The following FAM53C variants were observed in gnomAD, a reference collection of about 807,000 sequenced individuals.
The protein encoded by FAM53C is family with sequence similarity 53 member C.
In FAM53C, 10 loss-of-function variants were observed where a neutral mutation model predicts 34.7. The observed-to-expected ratio is 0.29, with a 90% CI of 0.18 to 0.49. FAM53C has a LOEUF of 0.49. FAM53C is among the 20% of genes least tolerant of loss of function. The pLI, the probability that FAM53C is intolerant of heterozygous loss-of-function variation, is 0.99. For synonymous variants in FAM53C, 203 were observed against 203.6 expected (o/e 1.00, Z 0.03); for missense variants, 442 against 515.3 (o/e 0.86, Z 1.38).
At chr5:138,342,033 TATCTG>T in intron 3 of FAM53C, 167 bp downstream of exon 3, 1 of 626,116 alleles carries the variant, frequency 1.6e-6, no homozygotes, top group Non-Finnish European at 2.9e-6. Context: ...GCATGAAAGT[TATCTG>T]GTTGGTTTGC....
At position 138,341,877 on chromosome 5, in the gene FAM53C, G is replaced by A. The variant is rs77021674; in HGVS notation, c.136+11G>A. On this transcript the variant is annotated intron_variant, in intron 3 of 4. Coordinates refer to ENST00000239906, the MANE Select transcript of FAM53C (RefSeq NM_016605.3). ...TCCAGCTTGTGTCTGGTAAGGCATC[G>A]TGTGTGTTTGTGTACGTGTGTGTAC... 2,406 of 1,613,532 alleles carry A rather than the reference G, an allele frequency of 1.5e-3. 62 individuals carry two copies. In the East Asian group the frequency reaches 0.05, roughly 33 times the overall value.
In FAM53C at chr5:138,348,810, G is replaced by A. The variant is rs554157476; in HGVS notation, c.*1851G>A. The A allele has an allele frequency of 3.3e-5, 5 of 152,354 alleles. No homozygotes were observed. The highest frequency in any genetic ancestry group is 1.2e-4 in the African/African-American group (5 of 41,556). 9.4% of individuals were successfully genotyped at this position (152,354 alleles called of 1,614,324 possible). ...TGAGCCCAGGAGTTGCCCATCTATG[G>A]TTTCATTCCTCCCCTGGCTCTTCTC... On this transcript the variant is annotated 3_prime_UTR_variant, in exon 5 of 5. Transcript: ENST00000239906.
intron 1 of FAM53C, among the ~76,000 whole-genome samples, chr5:138,339,507 G>T (rs1760960748): frequency 6.6e-6 from 1 of 152,190 alleles, no homozygotes; most frequent in Non-Finnish European, 1.5e-5. Flanking sequence ...GGAGTTTGCT[G>T]TTTGTCCAAA....
chr5:138,341,305 A>G lies in FAM53C; in HGVS notation c.-31A>G, dbSNP rs1410457822. The G allele has an allele frequency of 6.3e-7, 1 of 1,594,728 alleles. No homozygotes were observed. Among genetic ancestry groups the G allele is most frequent in the South Asian group, 1.1e-5 (1 of 90,692 alleles). On this transcript the variant is annotated 5_prime_UTR_variant, in exon 2 of 5. Transcript: ENST00000239906. ...AGGGAAGACATCCATCATTTGCTCC[A>G]AAGTGTGCAAGTCAAATCCTGGGGA...
chr5:138,338,494 C>G (rs1760893197), intron 1 of FAM53C, 187 bp downstream of exon 1: 2 of 294,026 alleles, frequency 6.8e-6, no homozygotes, highest in Admixed American at 1.1e-4. Context: ...CCAGACCCTC[C>G]CCATCCCCTG....
chr5:138,341,893 G>T, intron 3 of FAM53C, 27 bp downstream of exon 3: 3 of 1,608,850 alleles, frequency 1.9e-6, no homozygotes, highest in Non-Finnish European at 1.7e-6. Context: ...GTTTGTGTAC[G>T]TGTGTGTACC....
At chr5:138,343,618 A>G (rs1761093364) in intron 3 of FAM53C, 1 of 152,202 alleles carries the variant, frequency 6.6e-6, no homozygotes, top group South Asian at 2.1e-4. Context: ...TAGATTATTA[A>G]TTACTGAGTT....
chr5:138,344,820 T>G lies in FAM53C; in HGVS notation c.137-5T>G. The G allele has an allele frequency of 6.5e-7, 1 of 1,528,892 alleles. No individual in the cohort carries two copies. Among genetic ancestry groups the G allele is most frequent in the Non-Finnish European group, 8.8e-7 (1 of 1,140,462 alleles). 94.7% of individuals were successfully genotyped at this position (1,528,892 alleles called of 1,614,324 possible). On this transcript the variant is annotated splice_region_variant and splice_polypyrimidine_tract_variant and intron_variant, in intron 3 of 4. Coordinates refer to ENST00000239906, the MANE Select transcript of FAM53C (RefSeq NM_016605.3). Reference sequence around the variant, plus strand: ...AATATTATTCTTATTATAAATGCCTTCCAGAAGGTGCTTCCTGGAGGGGCC... The same window carrying G: ...AATATTATTCTTATTATAAATGCCTGCCAGAAGGTGCTTCCTGGAGGGGCC...
At position 138,345,570 on chromosome 5, in the gene FAM53C, G is replaced by C; in HGVS notation, c.882G>C (p.Arg294=). Reference sequence around the variant, plus strand: ...AGCGGCGCCACGAGGAAGACCCCCGGCGTCTGCGGCCTTCGTTGGACTTTG... The same window carrying C: ...AGCGGCGCCACGAGGAAGACCCCCGCCGTCTGCGGCCTTCGTTGGACTTTG... ...GVKRRHEEDP[R]RLRPSLDFDK... The change falls in exon 4 of 5, where the codon CGG becomes CGC. Residue 294 remains arginine (R), a synonymous_variant. Transcript: ENST00000239906. This position sits in a 1 kb window ranked among gnomAD's most constrained non-coding sequence, Gnocchi z 6.3. The C allele has an allele frequency of 6.2e-7, 1 of 1,613,664 alleles. No individual in the cohort carries two copies. The highest frequency in any genetic ancestry group is 8.5e-7 in the Non-Finnish European group (1 of 1,179,990).
chr5:138,342,208 A>G, intron 3 of FAM53C: 1 of 277,488 alleles, frequency 3.6e-6, no homozygotes, highest in Non-Finnish European at 6.8e-6. Context: ...CCACCTCCCT[A>G]AAAGTATTAG....
rs1417890338 is a variant in FAM53C, at chr5:138,347,747, G to GC, written c.*790dup. The GC allele has an allele frequency of 6.6e-6, 1 of 152,578 alleles. No individual in the cohort carries two copies. The highest frequency in any genetic ancestry group is 1.5e-5 in the Non-Finnish European group (1 of 68,548). The allele number at this position is 152,578 out of a possible 1,614,324, so 9.5% of individuals were successfully genotyped here. ...GTGTCACCATATTTTTTCTGAGCTGGCCTTTTTTTCTCATCAGATTGTCCA... is the reference window on the plus strand; with the variant it reads ...GTGTCACCATATTTTTTCTGAGCTGGCCCTTTTTTTCTCATCAGATTGTCCA... On this transcript the variant is annotated 3_prime_UTR_variant, in exon 5 of 5. Transcript: ENST00000239906.
In FAM53C at chr5:138,346,853, A is replaced by T; in HGVS notation, c.1073A>T (p.Glu358Val). The T allele has an allele frequency of 6.2e-7, 1 of 1,613,956 alleles. No individual in the cohort carries two copies. The highest frequency in any genetic ancestry group is 2.2e-5 in the East Asian group (1 of 44,878). ...GSSQVLSESE[E>V]EEEGAVRWGR... ...TCCCAGGTGCTGAGTGAAAGCGAAG[A>T]GGAGGAGGAGGGGGCTGTGCGGTGG... Residue 358 changes from glutamate (E) to valine (V), a missense_variant, in exon 5 of 5, where the codon GAG (glutamate) becomes GTG (valine). Transcript: ENST00000239906.
At chr5:138,338,261 C>G (rs1306656509), upstream of FAM53C, 6 of 1,039,018 alleles carry the variant, frequency 5.8e-6, no homozygotes, top group Non-Finnish European at 7.9e-6. Context: ...GCGAACCGAG[C>G]GCTCAGAGCT....
At position 138,348,962 on chromosome 5, in the gene FAM53C, C is replaced by A. The variant is rs987538026; in HGVS notation, c.*2003C>A. ...GGTTACTGGCAATGCCAGTGAGTTT[C>A]TGTAGGCCCTAAGCTGAAGAAGTGA... On this transcript the variant is annotated 3_prime_UTR_variant, in exon 5 of 5. Transcript: ENST00000239906. 4 of 152,308 alleles carry A rather than the reference C, an allele frequency of 2.6e-5. No individual in the cohort carries two copies. The highest frequency in any genetic ancestry group is 9.6e-5 in the African/African-American group (4 of 41,472). 9.4% of individuals were successfully genotyped at this position (152,308 alleles called of 1,614,324 possible).
chr5:138,345,666 C>T lies in FAM53C; in HGVS notation c.921+57C>T, dbSNP rs1761153179. 4 of 1,546,518 alleles carry T rather than the reference C, an allele frequency of 2.6e-6. No homozygotes were observed. Among genetic ancestry groups the T allele is most frequent in the Middle Eastern group, 1.7e-4 (1 of 5,748 alleles). The stretch of plus-strand genomic sequence containing the variant: ...GGGAGTGTGGGGACTGTTCTGTTTC[C>T]ACTTTTGAGCTAGCCCCTAGCTTCA... On this transcript the variant is annotated intron_variant, in intron 4 of 4. Transcript: ENST00000239906. This position sits in a 1 kb window ranked among gnomAD's most constrained non-coding sequence, Gnocchi z 6.3.
At position 138,345,311 on chromosome 5, in the gene FAM53C, C is replaced by T; in HGVS notation, c.623C>T (p.Ala208Val). The change falls in exon 4 of 5, where the codon GCC (alanine) becomes GTC (valine). Residue 208 changes from alanine to valine, a missense_variant. Transcript: ENST00000239906. The surrounding 1 kb of genome is among the most constrained non-coding windows in gnomAD (Gnocchi z 6.3). ...LAQDSSRPCAASPQSGSWESD... is the reference protein window; with the variant it reads ...LAQDSSRPCAVSPQSGSWESD... ...CAAGATTCCTCTCGACCCTGCGCCG[C>T]CTCCCCTCAAAGTGGCTCCTGGGAG... The T allele has an allele frequency of 6.2e-7, 1 of 1,614,238 alleles. No homozygotes were observed. The highest frequency in any genetic ancestry group is 1.1e-5 in the South Asian group (1 of 91,090).
Position 138,348,061 on chromosome 5 carries a change from C to G in FAM53C, c.*1102C>G, listed in dbSNP as rs947430088. The stretch of plus-strand genomic sequence containing the variant: ...GGTGACTGCAGGAAACCAATTCTTA[C>G]AAGATCCAGGCCCAGCCTTTTTGAC... On this transcript the variant is annotated 3_prime_UTR_variant, in exon 5 of 5. Coordinates refer to ENST00000239906, the MANE Select transcript of FAM53C (RefSeq NM_016605.3). The G allele has an allele frequency of 5.9e-5, 9 of 152,708 alleles. No individual in the cohort carries two copies. The highest frequency in any genetic ancestry group is 2.9e-5 in the Non-Finnish European group (2 of 68,080). The allele number at this position is 152,708 out of a possible 1,614,324, so 9.5% of individuals were successfully genotyped here.
rs1302284297 is a variant in FAM53C at position 138,347,517 on chromosome 5, CAAG to C, written c.*560_*562del. On this transcript the variant is annotated 3_prime_UTR_variant, in exon 5 of 5. Coordinates refer to ENST00000239906, the MANE Select transcript of FAM53C (RefSeq NM_016605.3). ...AGGATGTTGGGTTTGCTCAAGGAGT[CAAG>C]AGGAGGGCACCAAGTTTTCCTTTTT... 2 of 156,672 alleles carry C rather than the reference CAAG, an allele frequency of 1.3e-5. No homozygotes were observed. The highest frequency in any genetic ancestry group is 4.8e-5 in the African/African-American group (2 of 41,446). 9.7% of individuals were successfully genotyped at this position (156,672 alleles called of 1,614,324 possible).
Position 138,347,198 on chromosome 5 carries a change from G to A in FAM53C, c.*239G>A, listed in dbSNP as rs376112514. ...CCCCAGAGCAGACCCTTCCTATGGC[G>A]GCCCTGAGTGTGAGTATCCCTGCCA... is the stretch of plus-strand genomic sequence containing the variant. On this transcript the variant is annotated 3_prime_UTR_variant, in exon 5 of 5. Transcript: ENST00000239906. 1.0e-3 allele frequency: 565 copies of A among 562,930 alleles called. 2 individuals are homozygous for A. Among genetic ancestry groups the A allele is most frequent in the African/African-American group, 1.5e-3 (79 of 52,514 alleles). 34.9% of individuals were successfully genotyped at this position (562,930 alleles called of 1,614,324 possible). A position where few individuals can be genotyped will look rare whatever the true frequency, so the allele number is the denominator to read the frequency against.
Sources: allele counts gnomAD v4.1 joint callset (sites outside exome capture counted in the v4.1 genomes callset), GRCh38; gene constraint gnomAD v4.1.1; non-coding constraint Gnocchi (gnomAD v3.1); transcripts MANE v1.5; gene names NCBI Gene and HGNC (gene_info 2026-07-23, HGNC 2026-07-21).